The following SYPL2 variants were observed in gnomAD, a reference collection of about 807,000 sequenced individuals.
The protein encoded by SYPL2 is synaptophysin-like protein 2.
Under a neutral mutation model 31.3 loss-of-function variants are expected in SYPL2, and 24 were observed. That is an observed-to-expected ratio of 0.77 (90% CI 0.56 to 1.08). SYPL2 has a LOEUF of 1.08. Among genes scored for constraint, SYPL2 ranks in the 50% least tolerant of loss-of-function variants. SYPL2 has a pLI of 0.00. For synonymous variants in SYPL2, 144 were observed against 143.1 expected (o/e 1.01, Z -0.05); for missense variants, 342 against 360.1 (o/e 0.95, Z 0.41).
rs908662139 is a variant in SYPL2, at chr1:109,481,849, C to T, written c.*2301C>T. 6.6e-6 allele frequency: 1 copy of T among 152,478 alleles called. No homozygotes were observed. Among genetic ancestry groups the T allele is most frequent in the Non-Finnish European group, 1.5e-5 (1 of 68,150 alleles). The allele number at this position is 152,478 out of a possible 1,614,324, so 9.4% of individuals were successfully genotyped here. On this transcript the variant is annotated 3_prime_UTR_variant, in exon 6 of 6. Transcript: ENST00000369872. ...TTCTCTCCAACCAGGGCTGGCATCACTGCTTTGCAAAGTGGGGCCTGAGGT... is the reference window on the plus strand; with the variant it reads ...TTCTCTCCAACCAGGGCTGGCATCATTGCTTTGCAAAGTGGGGCCTGAGGT...
At chr1:109,468,929 G>T (rs1557858438) in intron 2 of SYPL2, among the ~76,000 whole-genome samples, 1 of 148,060 alleles carries the variant, frequency 6.8e-6, no homozygotes, top group Admixed American at 6.9e-5. Flanking sequence ...ACTTAGAAAG[G>T]GGGTTGTGCA....
At chr1:109,477,694 G>T in intron 4 of SYPL2, 124 bp from the exon 5 acceptor site, 1 of 1,393,790 alleles carries the variant, frequency 7.2e-7, no homozygotes. Flanking sequence ...CTAGGTGTTG[G>T]GTAGGATGGG....
chr1:109,473,246 C>G (rs1026270418), intron 2 of SYPL2, among the ~76,000 whole-genome samples: 4 of 152,172 alleles, frequency 2.6e-5, no homozygotes, highest in African/African-American at 9.7e-5. Context: ...AGACAGGGCT[C>G]TACTGCAGTC....
intron 2 of SYPL2, among the ~76,000 whole-genome samples, chr1:109,474,584 A>T (rs906559337): frequency 6.6e-6 from 1 of 150,674 alleles, no homozygotes; most frequent in East Asian, 2.0e-4. Context: ...CAAATGATCC[A>T]CCCGCCTCAG....
intron 2 of SYPL2, among the ~76,000 whole-genome samples, chr1:109,468,677 A>C (rs1327091912): frequency 6.6e-6 from 1 of 152,228 alleles, no homozygotes; most frequent in Non-Finnish European, 1.5e-5. Context: ...AGAATTTGAG[A>C]CAGACTGTCA....
chr1:109,467,023 A>G, intron 1 of SYPL2, 36 bp from the exon 2 acceptor site: 1 of 1,482,150 alleles, frequency 6.7e-7, no homozygotes, highest in Non-Finnish European at 9.0e-7. Context: ...AGGGTTCCCC[A>G]CCGCCCTGAC....
Position 109,477,841 on chromosome 1 carries a change from C to T in SYPL2, c.480C>T (p.Phe160=). The T allele has an allele frequency of 6.2e-7, 1 of 1,611,544 alleles. No homozygotes were observed. ...PLVDFCVTVS[F]TFFWLVAAAA... ...AGGACTTCTGTGTGACTGTCTCCTT[C>T]ACCTTCTTCTGGCTGGTAGCTGCAG... The change falls in exon 5 of 6, where the codon TTC becomes TTT. Residue 160 remains phenylalanine, a synonymous_variant. Transcript: ENST00000369872.
chr1:109,469,823 G>A (rs1655768584), intron 2 of SYPL2, among the ~76,000 whole-genome samples: 1 of 63,244 alleles, frequency 1.6e-5, no homozygotes, highest in South Asian at 8.0e-4. Context: ...ACTAGACCTT[G>A]TCTCAAAAAA....
intron 2 of SYPL2, among the ~76,000 whole-genome samples, 192 bp downstream of exon 2, chr1:109,467,325 A>G (rs1293150668): frequency 6.6e-6 from 1 of 152,160 alleles, no homozygotes; most frequent in African/African-American, 2.4e-5. Context: ...AGGAGGGTGA[A>G]GAGCGAGGCA....
At chr1:109,468,064 G>C (rs1571057367) in intron 2 of SYPL2, among the ~76,000 whole-genome samples, 1 of 152,196 alleles carries the variant, frequency 6.6e-6, no homozygotes, top group South Asian at 2.1e-4. Context: ...ATACTATCTT[G>C]CTTCACTAGG....
In SYPL2 at chr1:109,478,931, T is replaced by C. The variant is rs146440956; in HGVS notation, c.649-447T>C. On this transcript the variant is annotated intron_variant, in intron 5 of 5. Transcript: ENST00000369872. The surrounding 1 kb of genome is among the most constrained non-coding windows in gnomAD (Gnocchi z 4.0). Reference sequence around the variant, plus strand: ...TTCCTGCTGTGAGGTTTTTAAAATATGTTGAATAACTATTTGAACATAGCC... The same window carrying C: ...TTCCTGCTGTGAGGTTTTTAAAATACGTTGAATAACTATTTGAACATAGCC... Among the ~76,000 whole-genome samples, 1,295 of 152,374 alleles carry C rather than the reference T, an allele frequency of 8.5e-3. 19 individuals carry two copies. Among genetic ancestry groups the C allele is most frequent in the African/African-American group, 0.029 (1,206 of 41,580 alleles).
At chr1:109,469,231 G>T (rs1249945632) in intron 2 of SYPL2, among the ~76,000 whole-genome samples, 3 of 152,112 alleles carry the variant, frequency 2.0e-5, no homozygotes, top group Admixed American at 2.0e-4. Context: ...AAGGAAAAAA[G>T]AAAACACAAA....
chr1:109,475,946 C>T (rs1655987069), intron 3 of SYPL2, among the ~76,000 whole-genome samples: 1 of 152,204 alleles, frequency 6.6e-6, no homozygotes, highest in Non-Finnish European at 1.5e-5. Flanking sequence ...CCATGGACAA[C>T]CCATGGCAGG....
chr1:109,470,440 C>T (rs1050302821), intron 2 of SYPL2, among the ~76,000 whole-genome samples: 5 of 152,212 alleles, frequency 3.3e-5, no homozygotes, highest in Non-Finnish European at 5.9e-5. Flanking sequence ...AAAGGGGAGC[C>T]TCATCCTTAA....
intron 2 of SYPL2, among the ~76,000 whole-genome samples, chr1:109,469,432 C>A (rs1191887900): frequency 6.6e-6 from 1 of 150,394 alleles, no homozygotes; most frequent in Non-Finnish European, 1.5e-5. Context: ...TGGAGTCTCA[C>A]TAAGTCTATA....
intron 5 of SYPL2, among the ~76,000 whole-genome samples, 170 bp from the exon 6 acceptor site, chr1:109,479,208 T>A (rs889974526): frequency 6.6e-6 from 1 of 152,226 alleles, no homozygotes; most frequent in Non-Finnish European, 1.5e-5. Flanking sequence ...CCCTAAACAG[T>A]TGATGGTCCT....
chr1:109,476,362 C>T (rs1354226354), intron 3 of SYPL2, among the ~76,000 whole-genome samples: 1 of 152,132 alleles, frequency 6.6e-6, no homozygotes. Context: ...CCCAATAAAG[C>T]CTGAGAATGG....
chr1:109,471,785 A>C (rs1308115790), intron 2 of SYPL2, among the ~76,000 whole-genome samples: 1 of 151,636 alleles, frequency 6.6e-6, no homozygotes, highest in Non-Finnish European at 1.5e-5. Context: ...GCGTGATCAT[A>C]GCTCATTGCA....
At chr1:109,474,434 T>A (rs1655935423) in intron 2 of SYPL2, among the ~76,000 whole-genome samples, 1 of 149,524 alleles carries the variant, frequency 6.7e-6, no homozygotes, top group Non-Finnish European at 1.5e-5. Context: ...GCCTCCCGGG[T>A]TCAAGTGATT....
Sources: allele counts gnomAD v4.1 joint callset (sites outside exome capture counted in the v4.1 genomes callset), GRCh38; gene constraint gnomAD v4.1.1; non-coding constraint Gnocchi (gnomAD v3.1); transcripts MANE v1.5; gene names NCBI Gene and HGNC (gene_info 2026-07-23, HGNC 2026-07-21).